Variants in PLD5 observed in about 807,000 individuals in gnomAD.
The protein encoded by PLD5 is inactive phospholipase D5.
Under a neutral mutation model 61.1 loss-of-function variants are expected in PLD5, and 36 were observed. The observed-to-expected ratio is 0.59, with a 90% CI of 0.45 to 0.78. The LOEUF is 0.78. Ranked by LOEUF, PLD5 falls within the 30% of genes least tolerant of loss-of-function variation. The pLI is 0.00. For synonymous variants in PLD5, 243 were observed against 242.8 expected, an observed-to-expected ratio of 1.00 and a Z score of -0.01; for missense variants, 515 against 644.4, an observed-to-expected ratio of 0.80 and a Z score of 2.17.
chr1:242,123,662 G>A, intron 6 of PLD5, among the ~76,000 whole-genome samples: 1 of 152,176 alleles, frequency 6.6e-6, no homozygotes, highest in East Asian at 1.9e-4. Flanking sequence ...CACACACACG[G>A]TGGCCCCAGC....
chr1:242,308,534 T>C (rs1676509607), intron 2 of PLD5, among the ~76,000 whole-genome samples: 1 of 152,164 alleles, frequency 6.6e-6, no homozygotes, highest in Admixed American at 6.5e-5. Flanking sequence ...TTATTACAAA[T>C]CTAGTTGTAT....
chr1:242,152,869 T>G (rs193152927), intron 5 of PLD5, among the ~76,000 whole-genome samples: 9 of 152,180 alleles, frequency 5.9e-5, no homozygotes, highest in African/African-American at 1.9e-4. Context: ...TGGGTATATA[T>G]CCAGTAATGG....
intron 1 of PLD5, among the ~76,000 whole-genome samples, chr1:242,378,693 T>C (rs945784797): frequency 4.2e-4 from 64 of 151,836 alleles, no homozygotes; most frequent in African/African-American, 1.5e-3. Context: ...ATACAAAAAT[T>C]AGCTGGGTGT....
chr1:242,430,662 C>A (rs562416018), intron 1 of PLD5, among the ~76,000 whole-genome samples: 1 of 152,164 alleles, frequency 6.6e-6, no homozygotes, highest in South Asian at 2.1e-4. Flanking sequence ...AATGAAGTCC[C>A]TGTCCTAAAC....
At chr1:242,476,257 A>C (rs1375103388) in intron 1 of PLD5, among the ~76,000 whole-genome samples, 6 of 152,184 alleles carry the variant, frequency 3.9e-5, no homozygotes, top group African/African-American at 1.2e-4. Context: ...CAGGAGGCTG[A>C]AACAGGAGAA....
chr1:242,112,495 A>G (rs531785097), intron 7 of PLD5, among the ~76,000 whole-genome samples: 7 of 152,176 alleles, frequency 4.6e-5, no homozygotes, highest in East Asian at 1.9e-4. Context: ...CACCACACCC[A>G]GCTAATTTTT....
At chr1:242,493,443 C>T (rs7539893) in intron 1 of PLD5, among the ~76,000 whole-genome samples, 50,733 of 151,976 alleles carry the variant, frequency 0.33, 8,948 homozygotes, top group South Asian at 0.4. Flanking sequence ...CAGCGTCCAT[C>T]CAAAGGGTCA....
chr1:242,156,014 C>T (rs1665335891), intron 5 of PLD5, among the ~76,000 whole-genome samples: 1 of 152,142 alleles, frequency 6.6e-6, no homozygotes, highest in Non-Finnish European at 1.5e-5. Context: ...TAAGAACTTG[C>T]TTTATGCATC....
intron 6 of PLD5, among the ~76,000 whole-genome samples, chr1:242,121,353 T>A (rs2148724394): frequency 6.6e-6 from 1 of 151,988 alleles, no homozygotes; most frequent in East Asian, 1.9e-4. Flanking sequence ...TAGAAGGGAG[T>A]TCAAGGAACT....
At chr1:242,467,283 T>C (rs979179520) in intron 1 of PLD5, among the ~76,000 whole-genome samples, 1 of 152,150 alleles carries the variant, frequency 6.6e-6, no homozygotes, top group Non-Finnish European at 1.5e-5. Context: ...TTCTCTGCAA[T>C]GTTTTGTTTC....
At chr1:242,238,755 A>T (rs544425390) in intron 4 of PLD5, among the ~76,000 whole-genome samples, 2 of 152,336 alleles carry the variant, frequency 1.3e-5, no homozygotes, top group South Asian at 4.1e-4. Flanking sequence ...TAGAAGTTCA[A>T]TGATATGGCT....
intron 1 of PLD5, among the ~76,000 whole-genome samples, chr1:242,364,749 A>G (rs1661250263): frequency 6.6e-6 from 1 of 152,190 alleles, no homozygotes; most frequent in Non-Finnish European, 1.5e-5. Flanking sequence ...AAAAGAAGAG[A>G]AGAGAAGAGA....
intron 1 of PLD5, among the ~76,000 whole-genome samples, chr1:242,384,290 G>C (rs984756869): frequency 6.6e-6 from 1 of 152,220 alleles, no homozygotes; most frequent in Non-Finnish European, 1.5e-5. Context: ...ACTACAGGTG[G>C]CTGGGAGTTT....
At chr1:242,207,044 C>CTTGT (rs1214701043) in intron 5 of PLD5, among the ~76,000 whole-genome samples, 1 of 152,150 alleles carries the variant, frequency 6.6e-6, no homozygotes, top group Non-Finnish European at 1.5e-5. Flanking sequence ...AAACCCCACT[C>CTTGT]TTGTTTGGGA....
chr1:242,474,739 T>C (rs1667536935), intron 1 of PLD5, among the ~76,000 whole-genome samples: 1 of 152,182 alleles, frequency 6.6e-6, no homozygotes, highest in Admixed American at 6.5e-5. Context: ...CCATAAATAC[T>C]GTTATTCTCA....
rs561101968 is a variant in PLD5 at position 242,413,082 on chromosome 1, G to T, written c.190-64840C>A. 7.9e-5 allele frequency among the ~76,000 whole-genome samples: 12 copies of T among 152,232 alleles called. No individual in the cohort carries two copies. The South Asian group carries it at 2.5e-3, about 32-fold the overall frequency. ...ACCTCCAGTGATATGAGCCTCACAA[G>T]TTCCCGAGGGCGCCTTCCGCTTACT... On this transcript the variant is annotated intron_variant, in intron 1 of 9. Transcript: ENST00000536534.
chr1:242,158,344 C>T (rs548065587), intron 5 of PLD5, among the ~76,000 whole-genome samples: 1 of 152,240 alleles, frequency 6.6e-6, no homozygotes, highest in East Asian at 1.9e-4. Context: ...GCCTCCCAGG[C>T]ACCACTGGGG....
intron 5 of PLD5, among the ~76,000 whole-genome samples, chr1:242,168,846 G>GTTTTTTTTT (rs34280777): frequency 0.012 from 1,320 of 111,178 alleles, 109 homozygotes; most frequent in East Asian, 0.033. Context: ...AATTAATGAA[G>GTTTTTTTTT]TTTTTTTTTT....
chr1:242,445,927 A>G (rs1191359932), intron 1 of PLD5, among the ~76,000 whole-genome samples: 1 of 151,756 alleles, frequency 6.6e-6, no homozygotes, highest in East Asian at 1.9e-4. Flanking sequence ...AATCCATATC[A>G]TCTTTTACCT....
Sources: gnomAD v4.1 joint callset for allele counts (sites outside exome capture counted in the v4.1 genomes callset) on GRCh38, gnomAD v4.1.1 for gene constraint, MANE v1.5 for transcripts, NCBI Gene and HGNC (gene_info 2026-07-23, HGNC 2026-07-21) for gene names.